Variants in NCBP1 observed in about 807,000 individuals in gnomAD.
NCBP1 encodes nuclear cap binding protein subunit 1, also known as nuclear cap-binding protein subunit 1.
NCBP1 carries 16 observed loss-of-function variants against 111.7 expected under a neutral mutation model. The observed-to-expected ratio is 0.14, with a 90% CI of 0.10 to 0.22. The LOEUF (loss-of-function observed/expected upper bound fraction) is 0.22, where lower values mean the gene tolerates loss of function less well. Among genes scored for constraint, NCBP1 ranks in the 10% least tolerant of loss-of-function variants. NCBP1 has a pLI of 1.00. For synonymous variants in NCBP1, 304 were observed against 314.3 expected, an observed-to-expected ratio of 0.97 and a Z score of 0.35; for missense variants, 607 against 957.5, an observed-to-expected ratio of 0.63 and a Z score of 4.83.
rs1243732058 is a variant in NCBP1, at chr9:97,672,377, T to C, written c.*1178T>C. 1 of 152,254 alleles carries C rather than the reference T, an allele frequency of 6.6e-6. No individual in the cohort carries two copies. Among genetic ancestry groups the C allele is most frequent in the African/African-American group, 2.4e-5 (1 of 41,472 alleles). 9.4% of individuals were successfully genotyped at this position (152,254 alleles called of 1,614,324 possible). On this transcript the variant is annotated 3_prime_UTR_variant, in exon 23 of 23. Coordinates refer to ENST00000375147, the MANE Select transcript of NCBP1 (RefSeq NM_002486.5). Reference sequence around the variant, plus strand: ...TGCATATTTTGATATATTTTTGCTTTGGTTTACCATACATTTTAGTGGCTA... The same window carrying C: ...TGCATATTTTGATATATTTTTGCTTCGGTTTACCATACATTTTAGTGGCTA...
intron 19 of NCBP1, among the ~76,000 whole-genome samples, chr9:97,665,400 T>C (rs1827964331): frequency 6.6e-6 from 1 of 152,218 alleles, no homozygotes; most frequent in Non-Finnish European, 1.5e-5. Flanking sequence ...TTTTACAGAA[T>C]AGGGAAGTGT....
At chr9:97,666,973 T>A in intron 20 of NCBP1, 96 bp downstream of exon 20, 1 of 957,572 alleles carries the variant, frequency 1.0e-6, no homozygotes, top group South Asian at 1.9e-5. Flanking sequence ...TTTCATTTTT[T>A]CTGAGCCCAA....
chr9:97,636,766 C>T (rs1402652087), intron 1 of NCBP1, among the ~76,000 whole-genome samples: 1 of 150,904 alleles, frequency 6.6e-6, no homozygotes, highest in African/African-American at 2.4e-5. Context: ...AGAGCCTCCC[C>T]TCTAGAGTAG....
chr9:97,636,042 C>G (rs1191878931), intron 1 of NCBP1: 1 of 152,148 alleles, frequency 6.6e-6, no homozygotes, highest in Non-Finnish European at 1.5e-5. Flanking sequence ...CCGCGAGAAC[C>G]TCAGAGTAAA....
At chr9:97,656,187 TACTC>T (rs1249900088) in intron 14 of NCBP1, 102 bp downstream of exon 14, 5 of 953,846 alleles carry the variant, frequency 5.2e-6, no homozygotes, top group African/African-American at 5.0e-5. Flanking sequence ...AAAATCCACT[TACTC>T]ATCTTCCATC....
chr9:97,658,551 T>G, intron 14 of NCBP1, 89 bp from the exon 15 acceptor site: 3 of 980,770 alleles, frequency 3.1e-6, no homozygotes, highest in Non-Finnish European at 3.2e-6. Flanking sequence ...TTCAAGTTGT[T>G]GGAGATCATG....
At chr9:97,661,212 T>C (rs1188534454) in intron 16 of NCBP1, 144 bp downstream of exon 16, 14 of 863,870 alleles carry the variant, frequency 1.6e-5, no homozygotes, top group Admixed American at 6.1e-5. Flanking sequence ...GCACCCCAGG[T>C]ATTTTCCCCT....
Position 97,653,778 on chromosome 9 carries a change from G to C in NCBP1, c.1060-20G>C. ...AAAGATAGCAGTTGGATTGAATTGTGACTCATGATTCTTTTGTAGGTGATC... is the reference window on the plus strand; with the variant it reads ...AAAGATAGCAGTTGGATTGAATTGTCACTCATGATTCTTTTGTAGGTGATC... On this transcript the variant is annotated intron_variant, in intron 10 of 22. Transcript: ENST00000375147. 1 of 1,587,108 alleles carries C rather than the reference G, an allele frequency of 6.3e-7. No homozygotes were observed. Among genetic ancestry groups the C allele is most frequent in the South Asian group, 1.1e-5 (1 of 89,828 alleles).
chr9:97,651,877 T>TA (rs1395602228), intron 10 of NCBP1, among the ~76,000 whole-genome samples: 2 of 152,112 alleles, frequency 1.3e-5, no homozygotes, highest in African/African-American at 4.8e-5. Flanking sequence ...AGTTTAGAAA[T>TA]AGAGTAGCAA....
At chr9:97,657,906 C>CTATA (rs34556640) in intron 14 of NCBP1, among the ~76,000 whole-genome samples, 6 of 127,504 alleles carry the variant, frequency 4.7e-5, no homozygotes, top group Non-Finnish European at 9.5e-5. Context: ...CTCTCTCTCT[C>CTATA]TATATATATA....
chr9:97,642,551 A>C (rs1827231460), intron 3 of NCBP1, among the ~76,000 whole-genome samples: 1 of 152,108 alleles, frequency 6.6e-6, no homozygotes. Flanking sequence ...GTTTATTGTA[A>C]TCCTTTCCCA....
At chr9:97,664,533 C>A in intron 19 of NCBP1, 90 bp downstream of exon 19, 2 of 847,696 alleles carry the variant, frequency 2.4e-6, no homozygotes, top group Non-Finnish European at 3.7e-6. Flanking sequence ...CTGGTCCAAA[C>A]CAGGTTGATA....
At chr9:97,648,919 C>G (rs960705848) in intron 8 of NCBP1, among the ~76,000 whole-genome samples, 1 of 152,116 alleles carries the variant, frequency 6.6e-6, no homozygotes, top group Non-Finnish European at 1.5e-5. Context: ...CCTGGTTGGT[C>G]TCAAACTCCT....
intron 16 of NCBP1, 101 bp downstream of exon 16, chr9:97,661,169 T>C (rs41306512): frequency 6.8e-6 from 10 of 1,460,566 alleles, no homozygotes; most frequent in Non-Finnish European, 1.9e-6. Flanking sequence ...AATATATCTA[T>C]ATCTGTTTGA....
intron 1 of NCBP1, among the ~76,000 whole-genome samples, chr9:97,635,414 C>CTTTTTTTTTTTT (rs5899316): frequency 7.0e-6 from 1 of 141,958 alleles, no homozygotes; most frequent in African/African-American, 2.7e-5. Flanking sequence ...AATTCCCTCC[C>CTTTTTTTTTTTT]TTTTTTTTTT....
chr9:97,656,276 A>T (rs1005258027), intron 14 of NCBP1, among the ~76,000 whole-genome samples, 191 bp downstream of exon 14: 1 of 152,222 alleles, frequency 6.6e-6, no homozygotes, highest in Non-Finnish European at 1.5e-5. Flanking sequence ...ATTTAAGCCA[A>T]TAAGTTCTTT....
At chr9:97,642,864 C>T (rs1827240094) in intron 3 of NCBP1, among the ~76,000 whole-genome samples, 1 of 152,046 alleles carries the variant, frequency 6.6e-6, no homozygotes, top group African/African-American at 2.4e-5. Flanking sequence ...AGCTATTTTA[C>T]CATGGAAACC....
intron 15 of NCBP1, 106 bp from the exon 16 acceptor site, chr9:97,660,840 T>C: frequency 7.6e-7 from 1 of 1,319,306 alleles, no homozygotes; most frequent in Non-Finnish European, 1.0e-6. Flanking sequence ...GCATCCTATT[T>C]TGAAAGGAAG....
chr9:97,673,479 C>G lies in NCBP1; in HGVS notation c.*2280C>G, dbSNP rs1228657727. 2 of 152,140 alleles carry G rather than the reference C, an allele frequency of 1.3e-5. No homozygotes were observed. The highest frequency in any genetic ancestry group is 4.8e-5 in the African/African-American group (2 of 41,434). 9.4% of individuals were successfully genotyped at this position (152,140 alleles called of 1,614,324 possible). On this transcript the variant is annotated 3_prime_UTR_variant, in exon 23 of 23. Transcript: ENST00000375147. ...AGGTTTTAATTTCTTTTCTCTTGGT[C>G]CTCTCTTCATGTATAATGGTTGCTT...
Sources: allele counts gnomAD v4.1 joint callset (sites outside exome capture counted in the v4.1 genomes callset), GRCh38; gene constraint gnomAD v4.1.1; transcripts MANE v1.5; gene names NCBI Gene and HGNC (gene_info 2026-07-23, HGNC 2026-07-21).